AQP9: variants seen among roughly 807,000 people sequenced by gnomAD.
The protein encoded by AQP9 is aquaporin 9.
Under a neutral mutation model 23.8 loss-of-function variants are expected in AQP9, and 19 were observed. The observed-to-expected ratio is 0.80, with a 90% confidence interval of 0.56 to 1.17. AQP9 has a LOEUF of 1.17. Ranked by LOEUF, AQP9 falls within the 50% of genes most tolerant of loss-of-function variation. The probability of loss-of-function intolerance (pLI) is 0.00; values close to 1 mark genes in which losing one functional copy is unlikely to be tolerated. For missense variants in AQP9, 413 were observed against 362.0 expected (o/e 1.14, Z -1.14); for synonymous variants, 153 against 131.5 (o/e 1.16, Z -1.12).
At chr15:58,153,709 T>C (rs778752652) in intron 1 of AQP9, 3 of 152,194 alleles carry the variant, frequency 2.0e-5, no homozygotes, top group African/African-American at 2.4e-5. Context: ...TCCCTTATCA[T>C]TGGCAGCCTC....
chr15:58,171,163 C>G (rs533373815), intron 2 of AQP9, among the ~76,000 whole-genome samples: 2 of 151,746 alleles, frequency 1.3e-5, no homozygotes, highest in East Asian at 3.9e-4. Flanking sequence ...TCTCGGCTCA[C>G]TGCAACCTCC....
In AQP9 at chr15:58,185,660, A is replaced by G. The variant is rs1206306939; in HGVS notation, c.*1525A>G. 2 of 152,186 alleles carry G rather than the reference A, an allele frequency of 1.3e-5. No homozygotes were observed. Among genetic ancestry groups the G allele is most frequent in the Admixed American group, 6.5e-5 (1 of 15,276 alleles). The allele number at this position is 152,186 out of a possible 1,614,324, so 9.4% of individuals were successfully genotyped here. A position where few individuals can be genotyped will look rare whatever the true frequency, so the allele number is the denominator to read the frequency against. On this transcript the variant is annotated 3_prime_UTR_variant, in exon 6 of 6. Transcript: ENST00000219919. ...TGTTACTTTTGACAAAAGATCGCCT[A>G]TGAGTTACAAGCACCAGGGGATGCT...
At position 58,185,604 on chromosome 15, in the gene AQP9, C is replaced by T. The variant is rs1899012419; in HGVS notation, c.*1469C>T. The T allele has an allele frequency of 1.3e-5, 2 of 152,206 alleles. No individual in the cohort carries two copies. The highest frequency in any genetic ancestry group is 4.8e-5 in the African/African-American group (2 of 41,458). The allele number at this position is 152,206 out of a possible 1,614,324, so 9.4% of individuals were successfully genotyped here. On this transcript the variant is annotated 3_prime_UTR_variant, in exon 6 of 6. Coordinates refer to ENST00000219919, the MANE Select transcript of AQP9 (RefSeq NM_020980.5). Reference sequence around the variant, plus strand: ...TACATTCAGGGGATTTCCTCTGGCTCAGTCTTTTCCCCTTGAAGTTCTCTA... The same window carrying T: ...TACATTCAGGGGATTTCCTCTGGCTTAGTCTTTTCCCCTTGAAGTTCTCTA...
chr15:58,172,004 T>G (rs1898635934), intron 2 of AQP9, among the ~76,000 whole-genome samples: 1 of 152,256 alleles, frequency 6.6e-6, no homozygotes, highest in Non-Finnish European at 1.5e-5. Flanking sequence ...CACTAGGAAG[T>G]GAGCCTATAT....
chr15:58,165,732 G>T (rs529343375), intron 1 of AQP9, among the ~76,000 whole-genome samples: 2 of 151,920 alleles, frequency 1.3e-5, no homozygotes, highest in South Asian at 4.2e-4. Flanking sequence ...TATATTTATT[G>T]CAAACCTTTC....
At chr15:58,145,108 T>C (rs1045486405) in intron 1 of AQP9, among the ~76,000 whole-genome samples, 25 of 152,170 alleles carry the variant, frequency 1.6e-4, no homozygotes, top group Non-Finnish European at 3.1e-4. Context: ...TTGTTTTCCA[T>C]TTCAGTAATT....
intron 2 of AQP9, among the ~76,000 whole-genome samples, chr15:58,171,019 G>A (rs1036369101): frequency 2.6e-5 from 4 of 151,760 alleles, no homozygotes; most frequent in Admixed American, 2.0e-4. Context: ...CTGCCTCCTG[G>A]GTTCAAGCAA....
chr15:58,173,635 G>T (rs1242295381), intron 3 of AQP9, among the ~76,000 whole-genome samples: 1 of 152,148 alleles, frequency 6.6e-6, no homozygotes, highest in Admixed American at 6.5e-5. Flanking sequence ...GGCTGGGTGG[G>T]AGCCTCATTG....
chr15:58,153,342 C>T (rs1227294987), intron 1 of AQP9: 3 of 152,218 alleles, frequency 2.0e-5, no homozygotes, highest in South Asian at 2.1e-4. Flanking sequence ...CCCTACTCCA[C>T]TCTAGCACTA....
At chr15:58,173,659 C>G (rs550169831) in intron 3 of AQP9, among the ~76,000 whole-genome samples, 1 of 152,238 alleles carries the variant, frequency 6.6e-6, no homozygotes, top group Non-Finnish European at 1.5e-5. Context: ...TTCTATCAAA[C>G]AGCCAGGGCT....
chr15:58,175,511 T>G (rs566802468), intron 4 of AQP9, among the ~76,000 whole-genome samples: 1 of 152,390 alleles, frequency 6.6e-6, no homozygotes, highest in East Asian at 1.9e-4. Context: ...GAAGTATCTC[T>G]GCTTATTGAC....
intron 1 of AQP9, among the ~76,000 whole-genome samples, chr15:58,163,741 G>A (rs1390484862): frequency 6.6e-6 from 1 of 152,080 alleles, no homozygotes; most frequent in Non-Finnish European, 1.5e-5. Flanking sequence ...AATCACGATG[G>A]AACTTTGTAT....
Position 58,139,614 on chromosome 15 carries a change from C to T in AQP9, c.111+938C>T, listed in dbSNP as rs536498104. 9.9e-5 allele frequency among the ~76,000 whole-genome samples: 15 copies of T among 152,266 alleles called. No individual in the cohort carries two copies. The East Asian group carries it at 2.7e-3, about 27-fold the overall frequency. Reference sequence around the variant, plus strand: ...AAAGTTATAGAGAATAGCCCATAAACTCTGTGCATTAAAAGTTCTTTGCTT... The same window carrying T: ...AAAGTTATAGAGAATAGCCCATAAATTCTGTGCATTAAAAGTTCTTTGCTT... On this transcript the variant is annotated intron_variant, in intron 1 of 5. Transcript: ENST00000219919.
intron 5 of AQP9, among the ~76,000 whole-genome samples, chr15:58,181,904 T>C (rs990587979): frequency 6.6e-6 from 1 of 152,120 alleles, no homozygotes; most frequent in Non-Finnish European, 1.5e-5. Flanking sequence ...GCTTCCAAAG[T>C]GTTCTTAGAG....
rs1478516841 is a variant in AQP9, at chr15:58,173,055, T to C, written c.239-13T>C. 6.2e-7 allele frequency: 1 copy of C among 1,613,922 alleles called. No individual in the cohort carries two copies. The highest frequency in any genetic ancestry group is 2.2e-5 in the East Asian group (1 of 44,870). On this transcript the variant is annotated splice_polypyrimidine_tract_variant and intron_variant, in intron 2 of 5. Coordinates refer to ENST00000219919, the MANE Select transcript of AQP9 (RefSeq NM_020980.5). The stretch of plus-strand genomic sequence containing the variant: ...CTAACCTGCCCTCTCACTTCTCCAA[T>C]CTTCCCTTGCAGGTGGTCACATCAA...
At chr15:58,182,039 T>C (rs2140636934) in intron 5 of AQP9, among the ~76,000 whole-genome samples, 1 of 152,266 alleles carries the variant, frequency 6.6e-6, no homozygotes, top group East Asian at 1.9e-4. Flanking sequence ...CATGTACTCC[T>C]GAACGGCAAG....
intron 5 of AQP9, among the ~76,000 whole-genome samples, chr15:58,182,618 G>A (rs1479129902): frequency 3.3e-5 from 5 of 152,132 alleles, no homozygotes; most frequent in Non-Finnish European, 7.4e-5. Context: ...CCAAACGGGA[G>A]AGGCAGCCAC....
intron 1 of AQP9, among the ~76,000 whole-genome samples, chr15:58,142,576 A>G (rs963910238): frequency 6.6e-6 from 1 of 152,140 alleles, no homozygotes; most frequent in Admixed American, 6.5e-5. Context: ...TGGCTCAGTG[A>G]TGTCTTCAGC....
At chr15:58,169,846 T>C (rs922920825) in intron 2 of AQP9, among the ~76,000 whole-genome samples, 3 of 152,198 alleles carry the variant, frequency 2.0e-5, no homozygotes, top group African/African-American at 7.2e-5. Context: ...TAGTATTTTA[T>C]GACTAAAATA....
Sources: gnomAD v4.1 joint callset for allele counts (sites outside exome capture counted in the v4.1 genomes callset) on GRCh38, gnomAD v4.1.1 for gene constraint, MANE v1.5 for transcripts, NCBI Gene and HGNC (gene_info 2026-07-23, HGNC 2026-07-21) for gene names.